The following STT3B variants were observed in gnomAD, a reference collection of about 807,000 sequenced individuals.
The protein encoded by STT3B is dolichyl-diphosphooligosaccharide--protein glycosyltransferase subunit STT3B.
In STT3B, 29 loss-of-function variants were observed where a neutral mutation model predicts 96.8. The observed-to-expected ratio is 0.30, with a 90% CI of 0.22 to 0.41. The LOEUF (loss-of-function observed/expected upper bound fraction) is 0.41. Ranked by LOEUF, STT3B falls within the 10% of genes least tolerant of loss-of-function variation. The pLI is 1.00. For synonymous variants in STT3B, 367 were observed against 360.0 expected (o/e 1.02, Z -0.22); for missense variants, 640 against 1,022.3 (o/e 0.63, Z 5.10).
intron 6 of STT3B, 48 bp downstream of exon 6, chr3:31,615,251 T>C: frequency 7.3e-7 from 1 of 1,366,880 alleles, no homozygotes; most frequent in Non-Finnish European, 1.0e-6. Context: ...TGTGGACGTG[T>C]GATTGGCAGT....
At chr3:31,578,905 G>C (rs183763156) in intron 2 of STT3B, among the ~76,000 whole-genome samples, 79 of 152,244 alleles carry the variant, frequency 5.2e-4, no homozygotes, top group Non-Finnish European at 8.8e-4. Flanking sequence ...GGGAGTGTGG[G>C]GGAGAGAGGT....
rs117062267 is a variant in STT3B, at chr3:31,611,435, A to G, written c.878-3670A>G. On this transcript the variant is annotated intron_variant, in intron 5 of 15. Coordinates refer to ENST00000295770, the MANE Select transcript of STT3B (RefSeq NM_178862.3). ...AATTGAAGAGGTAATTTCTAAACAT[A>G]TATTAGATGCTGTAGTACAAAGTCT... 8.5e-4 allele frequency among the ~76,000 whole-genome samples: 130 copies of G among 152,308 alleles called. 2 individuals carry two copies. The East Asian group carries it at 0.017, about 20-fold the overall frequency.
At chr3:31,555,927 T>G (rs1697696609) in intron 1 of STT3B, among the ~76,000 whole-genome samples, 1 of 152,176 alleles carries the variant, frequency 6.6e-6, no homozygotes, top group African/African-American at 2.4e-5. Flanking sequence ...TTTAGCTACT[T>G]TGAAATACAT....
chr3:31,553,641 G>A (rs1697625562), intron 1 of STT3B, among the ~76,000 whole-genome samples: 1 of 152,104 alleles, frequency 6.6e-6, no homozygotes, highest in African/African-American at 2.4e-5. Flanking sequence ...CATCATGAGG[G>A]TGATGTTATG....
At chr3:31,541,619 C>T (rs965973957) in intron 1 of STT3B, among the ~76,000 whole-genome samples, 12 of 152,002 alleles carry the variant, frequency 7.9e-5, no homozygotes, top group African/African-American at 2.2e-4. Flanking sequence ...CTCTGTTGCC[C>T]GGGCTGGATT....
chr3:31,554,169 T>C (rs2125441567), intron 1 of STT3B, among the ~76,000 whole-genome samples: 1 of 152,292 alleles, frequency 6.6e-6, no homozygotes, highest in African/African-American at 2.4e-5. Context: ...AAACCAAAGT[T>C]TAAAAATCAG....
chr3:31,613,508 A>C (rs1699231493), intron 5 of STT3B, among the ~76,000 whole-genome samples: 1 of 152,094 alleles, frequency 6.6e-6, no homozygotes, highest in African/African-American at 2.4e-5. Flanking sequence ...TGTTGATCAT[A>C]GAATCTTAGT....
intron 1 of STT3B, among the ~76,000 whole-genome samples, chr3:31,535,831 T>G (rs1339181769): frequency 1.3e-5 from 2 of 152,236 alleles, no homozygotes; most frequent in Non-Finnish European, 2.9e-5. Flanking sequence ...CATCTCTGTT[T>G]TAAAGAGCTA....
At chr3:31,540,873 A>G (rs1697249916) in intron 1 of STT3B, among the ~76,000 whole-genome samples, 1 of 152,236 alleles carries the variant, frequency 6.6e-6, no homozygotes, top group South Asian at 2.1e-4. Flanking sequence ...GAAAAGGATC[A>G]TAACTGGAAA....
intron 1 of STT3B, among the ~76,000 whole-genome samples, chr3:31,541,591 G>A (rs1230569294): frequency 6.7e-6 from 1 of 148,620 alleles, no homozygotes; most frequent in Non-Finnish European, 1.5e-5. Context: ...TTGTTTGTTT[G>A]TTTTAGATGG....
intron 5 of STT3B, 92 bp from the exon 6 acceptor site, chr3:31,615,013 C>T: frequency 1.5e-6 from 1 of 664,996 alleles, no homozygotes; most frequent in South Asian, 2.3e-5. Flanking sequence ...TCAGTTAATA[C>T]TTTGCTAAAA....
chr3:31,594,941 A>G (rs1698753289), intron 3 of STT3B, among the ~76,000 whole-genome samples: 1 of 152,180 alleles, frequency 6.6e-6, no homozygotes, highest in African/African-American at 2.4e-5. Flanking sequence ...TGAGTTCTTG[A>G]TCACCTTCCT....
In STT3B at chr3:31,622,101, T is replaced by G; in HGVS notation, c.1332T>G (p.Ala444=). ...KNINDERVFV[A]LYAISAVYFA... is the part of the protein sequence containing the mutation. ...TAAGAGAATTTGTCTTTGCAGTTGC[T>G]CTATATGCAATCAGTGCTGTCTACT... Residue 444 remains alanine (A), a synonymous_variant, in exon 10 of 16, where the codon GCT becomes GCG. Transcript: ENST00000295770. 6.2e-7 allele frequency: 1 copy of G among 1,613,378 alleles called. No homozygotes were observed. The highest frequency in any genetic ancestry group is 8.5e-7 in the Non-Finnish European group (1 of 1,179,292).
intron 4 of STT3B, 25 bp downstream of exon 4, chr3:31,596,888 A>C (rs772734200): frequency 1.3e-6 from 2 of 1,561,586 alleles, no homozygotes; most frequent in East Asian, 4.5e-5. Flanking sequence ...TTGAGACTAC[A>C]TGAAGTCTAG....
chr3:31,596,654 A>G (rs761411657), intron 3 of STT3B, 144 bp from the exon 4 acceptor site: 180 of 617,520 alleles, frequency 2.9e-4, no homozygotes, highest in Non-Finnish European at 4.6e-4. Context: ...TATATGAAGT[A>G]TGTCTGCATA....
In STT3B at chr3:31,624,077, G is replaced by A. The variant is rs78793809; in HGVS notation, c.1727+216G>A. Among the ~76,000 whole-genome samples the A allele has an allele frequency of 0.013, 1,956 of 152,136 alleles. 54 individuals carry two copies. Among genetic ancestry groups the A allele is most frequent in the African/African-American group, 0.042 (1,738 of 41,508 alleles). On this transcript the variant is annotated intron_variant, in intron 11 of 15. Transcript: ENST00000295770. The stretch of plus-strand genomic sequence containing the variant: ...TGATACAGGCATGTGTAATAATCAC[G>A]TGTAAAATGGGGTTTCCATCCCCTC...
chr3:31,588,177 G>A (rs1055995106), intron 3 of STT3B, among the ~76,000 whole-genome samples: 14 of 152,038 alleles, frequency 9.2e-5, no homozygotes, highest in African/African-American at 3.4e-4. Flanking sequence ...GCCCATGTTT[G>A]TAGGCCTAGA....
chr3:31,551,849 A>T lies in STT3B; in HGVS notation c.314+18537A>T, dbSNP rs1697568977. On this transcript the variant is annotated intron_variant, in intron 1 of 15. Coordinates refer to ENST00000295770, the MANE Select transcript of STT3B (RefSeq NM_178862.3). Reference sequence around the variant, plus strand: ...ACCAGAGACTCCTTGCTGGCATTATAAGATAAGCAGCCCTGTTAGGGAAGC... The same window carrying T: ...ACCAGAGACTCCTTGCTGGCATTATTAGATAAGCAGCCCTGTTAGGGAAGC... Among the ~76,000 whole-genome samples, 3 of 152,196 alleles carry T rather than the reference A, an allele frequency of 2.0e-5. No individual in the cohort carries two copies. The South Asian group carries it at 6.2e-4, about 32-fold the overall frequency.
chr3:31,546,307 G>A (rs1697412447), intron 1 of STT3B, among the ~76,000 whole-genome samples: 2 of 152,138 alleles, frequency 1.3e-5, no homozygotes, highest in Admixed American at 1.3e-4. Flanking sequence ...GTCACCTGGA[G>A]GCTCAATAGG....
Sources: gnomAD v4.1 joint callset for allele counts (sites outside exome capture counted in the v4.1 genomes callset) on GRCh38, gnomAD v4.1.1 for gene constraint, MANE v1.5 for transcripts, NCBI Gene and HGNC (gene_info 2026-07-23, HGNC 2026-07-21) for gene names.